The following DCLK2 variants were observed in gnomAD, a reference collection of about 807,000 sequenced individuals.
DCLK2 encodes the protein serine/threonine-protein kinase DCLK2.
In DCLK2, 31 loss-of-function variants were observed where a neutral mutation model predicts 78.4. The observed-to-expected ratio is 0.40, with a 90% confidence interval of 0.30 to 0.53. The LOEUF (loss-of-function observed/expected upper bound fraction) is 0.53, where lower values mean the gene tolerates loss of function less well. Among genes scored for constraint, DCLK2 ranks in the 20% least tolerant of loss-of-function variants. DCLK2 has a pLI of 0.61. For synonymous variants in DCLK2, 407 were observed against 374.9 expected (o/e 1.09, Z -0.99); for missense variants, 872 against 973.7 (o/e 0.90, Z 1.39).
Position 150,175,011 on chromosome 4 carries a change from A to AT in DCLK2, c.757-18127_757-18126insT, listed in dbSNP as rs1553964170. ...AGACTCCGTCGCAAAAAAAAAAAAA[A>AT]ATATATATATATATATATATATTTA... On this transcript the variant is annotated intron_variant, in intron 2 of 15. Transcript: ENST00000296550. Among the ~76,000 whole-genome samples, 40 of 9,968 alleles carry AT rather than the reference A, an allele frequency of 4.0e-3. 7 individuals are homozygous for AT. The highest frequency in any genetic ancestry group is 6.7e-3 in the Non-Finnish European group (28 of 4,162). 6.5% of individuals were successfully genotyped at this position (9,968 alleles called of 152,430 possible).
intron 2 of DCLK2, among the ~76,000 whole-genome samples, chr4:150,170,820 A>G (rs1736475344): frequency 6.6e-6 from 1 of 152,222 alleles, no homozygotes; most frequent in Non-Finnish European, 1.5e-5. Context: ...TGACTCTGAC[A>G]TACCATAAGT....
intron 15 of DCLK2, among the ~76,000 whole-genome samples, chr4:150,252,107 G>A (rs1458964024): frequency 6.6e-6 from 1 of 152,184 alleles, no homozygotes; most frequent in South Asian, 2.1e-4. Context: ...AGTCAGAGTT[G>A]TCAAAGAATT....
At chr4:150,094,097 C>G (rs901889975) in intron 1 of DCLK2, among the ~76,000 whole-genome samples, 2 of 152,128 alleles carry the variant, frequency 1.3e-5, no homozygotes, top group Non-Finnish European at 2.9e-5. Flanking sequence ...ATCTGAAACT[C>G]CTAGAAGGAA....
intron 2 of DCLK2, among the ~76,000 whole-genome samples, chr4:150,141,503 G>A (rs1253048584): frequency 6.6e-6 from 1 of 152,202 alleles, no homozygotes; most frequent in Non-Finnish European, 1.5e-5. Flanking sequence ...CCATTCCAAA[G>A]GCACCTGGTG....
Position 150,228,331 on chromosome 4 carries a change from G to A in DCLK2, c.1299+3773G>A, listed in dbSNP as rs115604075. On this transcript the variant is annotated intron_variant, in intron 8 of 15. Transcript: ENST00000296550. ...TATCACAGAAATCACGTGGTGATTT[G>A]TACATTTTCTCTCTCTCACCACTTT... Among the ~76,000 whole-genome samples the A allele has an allele frequency of 3.5e-3, 529 of 152,260 alleles. 5 individuals are homozygous for A. Among genetic ancestry groups the A allele is most frequent in the African/African-American group, 0.012 (508 of 41,512 alleles).
At chr4:150,151,496 C>T (rs777173629) in intron 2 of DCLK2, among the ~76,000 whole-genome samples, 10 of 152,178 alleles carry the variant, frequency 6.6e-5, no homozygotes, top group Non-Finnish European at 1.0e-4. Context: ...TGAATTAATT[C>T]CTTTGGAAGT....
intron 7 of DCLK2, among the ~76,000 whole-genome samples, chr4:150,222,882 TCACAATCAGCCTA>T (rs1741304895): frequency 6.8e-6 from 1 of 147,438 alleles, no homozygotes; most frequent in Non-Finnish European, 1.5e-5. Flanking sequence ...AAAAAAAAAA[TCACAATCAGCCTA>T]CTTTTGCCTA....
chr4:150,135,178 A>ACACACACG, intron 2 of DCLK2, among the ~76,000 whole-genome samples: 1 of 149,764 alleles, frequency 6.7e-6, no homozygotes, highest in Non-Finnish European at 1.5e-5. Context: ...ACACACACAC[A>ACACACACG]CACACACACA....
rs767425247 is a variant in DCLK2, at chr4:150,198,080, G to A, written c.938G>A (p.Arg313Gln). 6.8e-6 allele frequency: 11 copies of A among 1,613,542 alleles called. No individual in the cohort carries two copies. Among genetic ancestry groups the A allele is most frequent in the South Asian group, 3.3e-5 (3 of 90,970 alleles). Residue 313 changes from arginine to glutamine, a missense_variant, in exon 4 of 16, where the codon CGA becomes CAA. By Grantham distance (43) the Arg-to-Gln change is conservative. This residue lies in a region of DCLK2 where 567 missense variants were observed against 593.4 expected (regional missense o/e 0.96). Transcript: ENST00000296550. Reference sequence around the variant, plus strand: ...GGATCCAAAAGCCCTGGGCCCTCTCGACGCAGCAAATCACCAGCTTCAGGT... The same window carrying A: ...GGATCCAAAAGCCCTGGGCCCTCTCAACGCAGCAAATCACCAGCTTCAGGT... ...YSGSKSPGPS[R>Q]RSKSPASVNG...
intron 15 of DCLK2, chr4:150,253,597 AG>A: frequency 7.8e-7 from 1 of 1,288,790 alleles, no homozygotes; most frequent in Non-Finnish European, 1.0e-6. Flanking sequence ...CCCCATCCTC[AG>A]CCCCTCTCAC....
chr4:150,218,058 T>TCTCTCTCTCG (rs1740867412), intron 5 of DCLK2, among the ~76,000 whole-genome samples: 1 of 149,770 alleles, frequency 6.7e-6, no homozygotes, highest in Non-Finnish European at 1.5e-5. Flanking sequence ...TCACTCTCGC[T>TCTCTCTCTCG]CTCTCTCTCG....
intron 2 of DCLK2, among the ~76,000 whole-genome samples, chr4:150,117,735 G>A (rs982060343): frequency 1.3e-5 from 2 of 152,128 alleles, no homozygotes; most frequent in East Asian, 1.9e-4. Context: ...CACTGGGTAG[G>A]TGCTTATAGT....
At chr4:150,221,842 G>GT (rs1252292025) in intron 7 of DCLK2, 57 bp downstream of exon 7, 2 of 1,139,396 alleles carry the variant, frequency 1.8e-6, no homozygotes, top group African/African-American at 3.2e-5. Flanking sequence ...AATGAAAACT[G>GT]TATCATCTAC....
chr4:150,097,754 A>T lies in DCLK2; in HGVS notation c.422-4724A>T, dbSNP rs116130977. Among the ~76,000 whole-genome samples the T allele has an allele frequency of 5.3e-3, 814 of 152,272 alleles. 5 individuals carry two copies. Among genetic ancestry groups the T allele is most frequent in the African/African-American group, 0.019 (771 of 41,556 alleles). ...AACAGTTAAGTTTTATAACCACCTT[A>T]TGCTTCTGTTTTTCCTCTTTCTATA... is the stretch of plus-strand genomic sequence containing the variant. On this transcript the variant is annotated intron_variant, in intron 1 of 15. Coordinates refer to ENST00000296550, the MANE Select transcript of DCLK2 (RefSeq NM_001040260.4).
intron 2 of DCLK2, among the ~76,000 whole-genome samples, chr4:150,158,555 A>G (rs1032817661): frequency 2.6e-5 from 4 of 152,294 alleles, no homozygotes; most frequent in South Asian, 4.1e-4. Flanking sequence ...GCATTCCTCT[A>G]TTGAGCACCT....
At chr4:150,106,692 G>T (rs1731280566) in intron 2 of DCLK2, among the ~76,000 whole-genome samples, 1 of 152,156 alleles carries the variant, frequency 6.6e-6, no homozygotes, top group Non-Finnish European at 1.5e-5. Flanking sequence ...GTTTTAAGGG[G>T]CTGGTTATCC....
intron 12 of DCLK2, among the ~76,000 whole-genome samples, chr4:150,245,652 A>T (rs1743250225): frequency 1.3e-5 from 2 of 152,170 alleles, no homozygotes; most frequent in African/African-American, 4.8e-5. Context: ...TTTGCTGAGA[A>T]TGATGGTTTC....
chr4:150,092,682 A>C (rs1357666035), intron 1 of DCLK2, among the ~76,000 whole-genome samples: 1 of 152,196 alleles, frequency 6.6e-6, no homozygotes, highest in Non-Finnish European at 1.5e-5. Context: ...TGAATATTAA[A>C]GGATAAAGAT....
At chr4:150,148,155 G>A (rs572469401) in intron 2 of DCLK2, among the ~76,000 whole-genome samples, 4 of 152,206 alleles carry the variant, frequency 2.6e-5, no homozygotes, top group South Asian at 2.1e-4. Context: ...ATTGAGCTCC[G>A]TAGTTCGAGA....
Sources: allele counts gnomAD v4.1 joint callset (sites outside exome capture counted in the v4.1 genomes callset), GRCh38; gene constraint gnomAD v4.1.1; regional missense constraint gnomAD v4.1.1; transcripts MANE v1.5; gene names NCBI Gene and HGNC (gene_info 2026-07-23, HGNC 2026-07-21).